The following MORN1 variants were observed in gnomAD, a reference collection of about 807,000 sequenced individuals.
MORN1 encodes MORN repeat containing 1, also known as MORN repeat-containing protein 1.
In MORN1, 67 loss-of-function variants were observed where a neutral mutation model predicts 61.9. The observed-to-expected ratio is 1.08, with a 90% CI of 0.89 to 1.33. The LOEUF is 1.33. Ranked by LOEUF, MORN1 falls within the 40% of genes most tolerant of loss-of-function variation. The probability of loss-of-function intolerance (pLI) is 0.00; values close to 1 mark genes in which losing one functional copy is unlikely to be tolerated. For synonymous variants in MORN1, 301 were observed against 292.0 expected (o/e 1.03, Z -0.31); for missense variants, 752 against 691.2 (o/e 1.09, Z -0.99).
intron 8 of MORN1, among the ~76,000 whole-genome samples, chr1:2,370,322 C>T (rs1295980456): frequency 6.6e-6 from 1 of 152,178 alleles, no homozygotes; most frequent in Non-Finnish European, 1.5e-5. Context: ...AGAACTTTAT[C>T]TTTTCCATAA....
At chr1:2,340,428 C>T (rs1203645524) in intron 10 of MORN1, among the ~76,000 whole-genome samples, 3 of 152,176 alleles carry the variant, frequency 2.0e-5, no homozygotes, top group Non-Finnish European at 4.4e-5. Flanking sequence ...CCCCTGGCCA[C>T]TGACTCCTCC....
rs373197190 is a variant in MORN1 at position 2,324,190 on chromosome 1, C to T, written c.1251-47G>A. ...GCCCCTGAATGCCCTGCCTGGGCCC[C>T]GACGACATGGCATCCCTGACCTGAA... On this transcript the variant is annotated intron_variant, in intron 12 of 13. Transcript: ENST00000378531. 1,136 of 1,550,834 alleles carry T rather than the reference C, an allele frequency of 7.3e-4. 17 individuals are homozygous for T. The highest frequency in any genetic ancestry group is 1.5e-3 in the Middle Eastern group (9 of 5,892).
intron 12 of MORN1, among the ~76,000 whole-genome samples, chr1:2,327,325 C>CACACAGAAACACAGAAACAAACACAGAG (rs1557866492): frequency 6.6e-6 from 1 of 151,810 alleles, no homozygotes; most frequent in East Asian, 1.9e-4. Context: ...GACACAGAAA[C>CACACAGAAACACAGAAACAAACACAGAG]ACACAGAAAC....
chr1:2,379,193 T>G (rs1480516805), intron 6 of MORN1: 1 of 470,482 alleles, frequency 2.1e-6, no homozygotes, highest in Admixed American at 2.4e-5. Flanking sequence ...CGATGTCTCC[T>G]TGAGTTTCTC....
chr1:2,389,171 G>C (rs940854941), intron 2 of MORN1, among the ~76,000 whole-genome samples: 1 of 152,114 alleles, frequency 6.6e-6, no homozygotes, highest in Non-Finnish European at 1.5e-5. Context: ...ACAAAACTGC[G>C]TGAGAGGAGT....
chr1:2,385,427 CT>C (rs1348547281), intron 5 of MORN1: 1 of 391,898 alleles, frequency 2.6e-6, no homozygotes, highest in Non-Finnish European at 4.7e-6. Context: ...ATGCCTAGCA[CT>C]TGGGAGGCGG....
intron 12 of MORN1, among the ~76,000 whole-genome samples, chr1:2,325,114 CTTCCT>C (rs796069251): frequency 0.022 from 1,929 of 86,816 alleles, 155 homozygotes; most frequent in African/African-American, 0.059. Context: ...CTTTCCTTCC[CTTCCT>C]TCCCTTCCTT....
Position 2,391,480 on chromosome 1 carries a change from C to T in MORN1, c.54G>A (p.Pro18=), listed in dbSNP as rs771463790. The part of the protein sequence containing the change: ...TPSSRGPRRD[P]PRRPPRNGYG... The stretch of plus-strand genomic sequence containing the variant: ...TACCGTTCCGGGGCGGCCGCCTAGG[C>T]GGGTCCCGACGCGGCCCGCGGGAGC... Residue 18 remains proline, a synonymous_variant, in exon 1 of 14, where the codon CCG becomes CCA. Coordinates refer to ENST00000378531, the MANE Select transcript of MORN1 (RefSeq NM_024848.3). The T allele has an allele frequency of 3.2e-6, 4 of 1,254,354 alleles. No individual in the cohort carries two copies. In the South Asian group the frequency reaches 1.3e-4, roughly 42 times the overall value. The allele number at this position is 1,254,354 out of a possible 1,614,324, so 77.7% of individuals were successfully genotyped here. A position where few individuals can be genotyped will look rare whatever the true frequency, so the allele number is the denominator to read the frequency against.
Position 2,336,566 on chromosome 1 carries a change from G to A in MORN1, c.1171-18C>T. On this transcript the variant is annotated intron_variant, in intron 11 of 13. Transcript: ENST00000378531. ...CCTGCCTTCTAGAAAGATTGGGCAGGAGGAGGGGAGAAGGAAAGGCTCAGA... is the reference window on the plus strand; with the variant it reads ...CCTGCCTTCTAGAAAGATTGGGCAGAAGGAGGGGAGAAGGAAAGGCTCAGA... 2.5e-6 allele frequency: 4 copies of A among 1,612,034 alleles called. No individual in the cohort carries two copies. In the South Asian group the frequency reaches 4.4e-5, roughly 18 times the overall value.
rs527251671 is a variant in MORN1, at chr1:2,337,060, C to T, written c.1037-210G>A. ...GCCGACAGGGGAGGTGGGGGTCCTC[C>T]GTGTCCACGGCCTCTGACGCCCCCG... is the stretch of plus-strand genomic sequence containing the variant. On this transcript the variant is annotated intron_variant, in intron 10 of 13. Transcript: ENST00000378531. This position sits in a 1 kb window ranked among gnomAD's most constrained non-coding sequence, Gnocchi z 5.7. Among the ~76,000 whole-genome samples the T allele has an allele frequency of 2.6e-5, 4 of 152,214 alleles. No individual in the cohort carries two copies. The highest frequency in any genetic ancestry group is 2.1e-4 in the South Asian group (1 of 4,828).
At chr1:2,342,877 T>TTTTATTTTATTTTA (rs1557873792) in intron 10 of MORN1, among the ~76,000 whole-genome samples, 258 of 89,058 alleles carry the variant, frequency 2.9e-3, no homozygotes, top group African/African-American at 8.2e-3. Flanking sequence ...ATTTATTTTA[T>TTTTATTTTATTTTA]TTTATTTTAT....
intron 8 of MORN1, among the ~76,000 whole-genome samples, chr1:2,369,674 T>A (rs1436435998): frequency 1.3e-5 from 2 of 152,034 alleles, no homozygotes; most frequent in Non-Finnish European, 2.9e-5. Flanking sequence ...CTACTCATGA[T>A]GGCATAAAAA....
At chr1:2,371,815 G>A (rs1347818314) in intron 8 of MORN1, 2 of 170,714 alleles carry the variant, frequency 1.2e-5, no homozygotes, top group Non-Finnish European at 2.6e-5. Context: ...GGAGGCCAAG[G>A]CAGAATCACT....
chr1:2,354,840 G>A (rs1250656984), intron 10 of MORN1, among the ~76,000 whole-genome samples: 1 of 152,202 alleles, frequency 6.6e-6, no homozygotes, highest in Non-Finnish European at 1.5e-5. Flanking sequence ...GGATGCACCC[G>A]TGAGGCCCAG....
chr1:2,322,235 A>G (rs1347289988), intron 13 of MORN1: 1 of 985,296 alleles, frequency 1.0e-6, no homozygotes, highest in Non-Finnish European at 1.2e-6. Flanking sequence ...AAGAAATAAC[A>G]AAAAGTGAGG....
chr1:2,345,829 C>CA (rs1641501048), intron 10 of MORN1, among the ~76,000 whole-genome samples: 7 of 149,106 alleles, frequency 4.7e-5, no homozygotes, highest in Middle Eastern at 3.4e-3. Flanking sequence ...ATGTATGCGG[C>CA]CACACACACA....
chr1:2,379,867 C>T (rs937727680), intron 6 of MORN1, among the ~76,000 whole-genome samples: 1 of 152,158 alleles, frequency 6.6e-6, no homozygotes, highest in African/African-American at 2.4e-5. Flanking sequence ...AATCACCATC[C>T]GATGCAGCAG....
chr1:2,368,662 G>A (rs1017385574), intron 8 of MORN1, among the ~76,000 whole-genome samples: 2 of 152,104 alleles, frequency 1.3e-5, no homozygotes, highest in African/African-American at 4.8e-5. Context: ...TCTACAAATG[G>A]CCCATAGCAC....
intron 12 of MORN1, among the ~76,000 whole-genome samples, chr1:2,331,809 G>GCACCTCTCC (rs1421858023): frequency 6.6e-6 from 1 of 151,864 alleles, no homozygotes; most frequent in Non-Finnish European, 1.5e-5. Context: ...TCCCGCGGCT[G>GCACCTCTCC]CGCCTCTCCC....
Sources: allele counts gnomAD v4.1 joint callset (sites outside exome capture counted in the v4.1 genomes callset), GRCh38; gene constraint gnomAD v4.1.1; non-coding constraint Gnocchi (gnomAD v3.1); transcripts MANE v1.5; gene names NCBI Gene and HGNC (gene_info 2026-07-23, HGNC 2026-07-21).